Variants in AEBP2 observed in about 807,000 individuals in gnomAD.
The protein encoded by AEBP2 is zinc finger protein AEBP2.
A neutral mutation model predicts 50.8 loss-of-function variants in AEBP2; 10 were observed. The observed-to-expected ratio is 0.20, with a 90% CI of 0.12 to 0.33. The LOEUF (loss-of-function observed/expected upper bound fraction) is 0.33, where lower values mean the gene tolerates loss of function less well. Ranked by LOEUF, AEBP2 falls within the 10% of genes least tolerant of loss-of-function variation. AEBP2 has a pLI of 1.00. For synonymous variants in AEBP2, 296 were observed against 261.3 expected (o/e 1.13, Z -1.28); for missense variants, 570 against 688.0 (o/e 0.83, Z 1.92).
intron 1 of AEBP2, among the ~76,000 whole-genome samples, chr12:19,432,199 G>A (rs1192896038): frequency 1.3e-5 from 2 of 152,158 alleles, no homozygotes; most frequent in East Asian, 3.8e-4. Flanking sequence ...TGGGGTAGCT[G>A]TTACTCAAAT....
intron 1 of AEBP2, among the ~76,000 whole-genome samples, chr12:19,453,526 C>T (rs527747858): frequency 7.3e-5 from 11 of 151,544 alleles, no homozygotes; most frequent in African/African-American, 2.7e-4. Flanking sequence ...TGGGTTCAAA[C>T]GATTCTCCTG....
intron 5 of AEBP2, among the ~76,000 whole-genome samples, chr12:19,509,816 C>CTTTTTTTTTT (rs1565737482): frequency 8.3e-6 from 1 of 121,066 alleles, no homozygotes; most frequent in African/African-American, 3.2e-5. Context: ...AACATGGCTA[C>CTTTTTTTTTT]TTTCTTTTTT....
chr12:19,504,039 G>C (rs188296078), intron 5 of AEBP2, among the ~76,000 whole-genome samples: 2 of 152,204 alleles, frequency 1.3e-5, no homozygotes, highest in Non-Finnish European at 2.9e-5. Flanking sequence ...TGTTGCCCAG[G>C]CTAACCTTGT....
intron 1 of AEBP2, among the ~76,000 whole-genome samples, chr12:19,460,529 T>A (rs1474739903): frequency 6.6e-6 from 1 of 151,978 alleles, no homozygotes; most frequent in Non-Finnish European, 1.5e-5. Flanking sequence ...GATTTTTGTA[T>A]TTTTAGTAGA....
chr12:19,488,290 ATTTTT>A (rs34804680), intron 3 of AEBP2, among the ~76,000 whole-genome samples: 1 of 118,418 alleles, frequency 8.4e-6, no homozygotes. Context: ...TAATTTTTGT[ATTTTT>A]TTTTTTTTTT....
intron 5 of AEBP2, among the ~76,000 whole-genome samples, chr12:19,510,293 G>A (rs1388545123): frequency 6.6e-6 from 1 of 152,178 alleles, no homozygotes; most frequent in African/African-American, 2.4e-5. Flanking sequence ...ACATGCTAAT[G>A]TAGAGTAAGC....
At chr12:19,499,016 T>G (rs150988839) in intron 4 of AEBP2, among the ~76,000 whole-genome samples, 46 of 152,178 alleles carry the variant, frequency 3.0e-4, no homozygotes, top group Non-Finnish European at 6.5e-4. Flanking sequence ...AGACTGTGTC[T>G]AAAAGAAAAA....
chr12:19,451,854 A>G (rs560868061), intron 1 of AEBP2, among the ~76,000 whole-genome samples: 1 of 152,118 alleles, frequency 6.6e-6, no homozygotes, highest in South Asian at 2.1e-4. Flanking sequence ...GTTGTGCATC[A>G]CTGCACCTGG....
chr12:19,478,345 G>A (rs1310138695), intron 3 of AEBP2, among the ~76,000 whole-genome samples: 1 of 152,128 alleles, frequency 6.6e-6, no homozygotes, highest in Admixed American at 6.6e-5. Context: ...GCCCAGGCTG[G>A]AGTGCAGTGG....
chr12:19,413,053 C>T, intron 1 of AEBP2: 2 of 502,902 alleles, frequency 4.0e-6, no homozygotes, highest in Non-Finnish European at 7.3e-6. Context: ...TCCTGGCGGG[C>T]CTGGATCCAA....
chr12:19,440,392 C>G (rs367737820), intron 1 of AEBP2, 22 bp downstream of exon 1: 2 of 1,465,932 alleles, frequency 1.4e-6, no homozygotes, highest in Non-Finnish European at 1.8e-6. Context: ...GAAGCGTTTC[C>G]CCTTCCCTTC....
At chr12:19,420,190 A>AT (rs1280416235) in intron 1 of AEBP2, among the ~76,000 whole-genome samples, 140 of 146,452 alleles carry the variant, frequency 9.6e-4, no homozygotes, top group African/African-American at 3.1e-3. Context: ...TGATTGGCTA[A>AT]TTTTTTTTTT....
chr12:19,424,457 C>T (rs1029746339), intron 1 of AEBP2, among the ~76,000 whole-genome samples: 32 of 151,616 alleles, frequency 2.1e-4, no homozygotes, highest in African/African-American at 2.7e-4. Context: ...AGTGCAGTGG[C>T]GCGATCTCGG....
At chr12:19,511,900 G>T (rs1260844391) in intron 5 of AEBP2, among the ~76,000 whole-genome samples, 1 of 151,982 alleles carries the variant, frequency 6.6e-6, no homozygotes, top group Admixed American at 6.6e-5. Flanking sequence ...AAATATTCCT[G>T]TGTCATGGAG....
Position 19,440,075 on chromosome 12 carries a change from G to C in AEBP2, c.376G>C (p.Val126Leu). 9.3e-6 allele frequency: 14 copies of C among 1,513,132 alleles called. No homozygotes were observed. Among genetic ancestry groups the C allele is most frequent in the Non-Finnish European group, 1.2e-5 (14 of 1,136,494 alleles). 93.7% of individuals were successfully genotyped at this position (1,513,132 alleles called of 1,614,324 possible). The change falls in exon 1 of 8, where the codon GTG (valine) becomes CTG (leucine). Residue 126 changes from valine to leucine, a missense_variant. Around this residue, in one of 2 missense-constraint regions of AEBP2, gnomAD observed 386 missense variants for 336.8 expected, o/e 1.15. Transcript: ENST00000266508. ...GGAGGAGAGTAGCGCCGAGAGCCTG[G>C]TGGGCAGCAGCGGCGGGAGCAGCAG... ...GEEESSAESL[V>L]GSSGGSSSDE...
At chr12:19,413,976 C>A (rs2095740848) in intron 1 of AEBP2, among the ~76,000 whole-genome samples, 1 of 151,982 alleles carries the variant, frequency 6.6e-6, no homozygotes, top group Non-Finnish European at 1.5e-5. Flanking sequence ...TCACTGCAAC[C>A]TCTGCTGCCT....
At chr12:19,450,816 T>C (rs567120384) in intron 1 of AEBP2, among the ~76,000 whole-genome samples, 26 of 149,982 alleles carry the variant, frequency 1.7e-4, no homozygotes, top group African/African-American at 5.4e-4. Flanking sequence ...TACTCCTGCC[T>C]GAGTGACAAG....
At chr12:19,456,860 A>G in intron 1 of AEBP2, 12 of 1,522,136 alleles carry the variant, frequency 7.9e-6, no homozygotes, top group Non-Finnish European at 1.1e-5. Flanking sequence ...CAGTACCAAT[A>G]CCACCAATTT....
At chr12:19,429,819 G>A (rs2095750490) in intron 1 of AEBP2, among the ~76,000 whole-genome samples, 1 of 151,864 alleles carries the variant, frequency 6.6e-6, no homozygotes, top group Admixed American at 6.6e-5. Context: ...ACTTGTTGAT[G>A]GGAGTTTTTT....
Sources: gnomAD v4.1 joint callset for allele counts (sites outside exome capture counted in the v4.1 genomes callset) on GRCh38, gnomAD v4.1.1 for gene constraint, gnomAD v4.1.1 regional missense constraint, MANE v1.5 for transcripts, NCBI Gene and HGNC (gene_info 2026-07-23, HGNC 2026-07-21) for gene names.